Variants in TF observed in about 807,000 individuals in gnomAD.
The protein encoded by TF is transferrin, also known as serotransferrin.
TF carries 55 observed loss-of-function variants against 82.4 expected under a neutral mutation model. That is an observed-to-expected ratio of 0.67 (90% CI 0.54 to 0.84). TF has a LOEUF of 0.84. TF is among the 40% of genes least tolerant of loss of function. TF has a pLI of 0.00. For missense variants in TF, 737 were observed against 868.4 expected (o/e 0.85, Z 1.90); for synonymous variants, 332 against 332.6 (o/e 1.00, Z 0.02).
chr3:133,767,644 G>T (rs1401639685), intron 12 of TF, among the ~76,000 whole-genome samples: 1 of 152,224 alleles, frequency 6.6e-6, no homozygotes, highest in Non-Finnish European at 1.5e-5. Flanking sequence ...TGTAGCAAAG[G>T]CTCTTCTAAT....
chr3:133,733,562 A>T, the TF span, among the ~76,000 whole-genome samples: 1 of 152,152 alleles, frequency 6.6e-6, no homozygotes, highest in African/African-American at 2.4e-5. Context: ...ACTGGGTGAG[A>T]TTGAAAATAT....
At chr3:133,679,674 T>C in the TF span, among the ~76,000 whole-genome samples, 1 of 150,452 alleles carries the variant, frequency 6.6e-6, no homozygotes, top group Non-Finnish European at 1.5e-5. Flanking sequence ...GGTAGTACTC[T>C]ATTGAATGGC....
intron 8 of TF, 128 bp from the exon 9 acceptor site, chr3:133,759,047 C>T: frequency 8.2e-7 from 1 of 1,217,400 alleles, no homozygotes; most frequent in Non-Finnish European, 1.2e-6. Flanking sequence ...TGATTAATTC[C>T]TTGAATGGGG....
upstream of TF, among the ~76,000 whole-genome samples, chr3:133,741,455 G>C (rs1933387942): frequency 6.6e-6 from 1 of 152,064 alleles, no homozygotes. Context: ...CCGTAAAAAG[G>C]ATGACCAGAA....
At chr3:133,672,832 G>GAGAA in the TF span, among the ~76,000 whole-genome samples, 32 of 151,784 alleles carry the variant, frequency 2.1e-4, 1 homozygote, top group African/African-American at 5.8e-4. Context: ...AAAGAAAAAA[G>GAGAA]AGAATAAGAG....
chr3:133,713,995 G>C, the TF span, among the ~76,000 whole-genome samples: 1 of 152,218 alleles, frequency 6.6e-6, no homozygotes, highest in Non-Finnish European at 1.5e-5. Context: ...GAGGAACCAA[G>C]GGAGGTGATG....
chr3:133,734,537 GA>G, the TF span, among the ~76,000 whole-genome samples: 1 of 58,862 alleles, frequency 1.7e-5, no homozygotes, highest in South Asian at 8.1e-4. Context: ...AACAAAACAG[GA>G]ACTCACGAGT....
At chr3:133,699,062 T>A in the TF span, among the ~76,000 whole-genome samples, 28 of 152,366 alleles carry the variant, frequency 1.8e-4, no homozygotes, top group African/African-American at 6.3e-4. Flanking sequence ...ATCTGTAGAA[T>A]GAGATAATCA....
chr3:133,702,798 G>A, the TF span, among the ~76,000 whole-genome samples: 3 of 152,044 alleles, frequency 2.0e-5, no homozygotes, highest in African/African-American at 7.2e-5. Flanking sequence ...ATTTTGTTTT[G>A]TTTAACTTGA....
chr3:133,765,035 T>C, intron 11 of TF, 128 bp downstream of exon 11: 1 of 916,840 alleles, frequency 1.1e-6, no homozygotes, highest in South Asian at 1.4e-5. Context: ...GAGAGAATCA[T>C]GGAAGGATAG....
the TF span, chr3:133,699,851 G>T: frequency 4.8e-6 from 1 of 209,684 alleles, no homozygotes. Flanking sequence ...GTGGACTGAA[G>T]ACTCTCTGCA....
chr3:133,702,499 C>T, the TF span, among the ~76,000 whole-genome samples: 1 of 151,842 alleles, frequency 6.6e-6, no homozygotes, highest in Admixed American at 6.6e-5. Context: ...GAGCCATGGT[C>T]ACACCATTGC....
At chr3:133,736,631 C>CAAAAAAAAAAAAAAAAAAAAAAAAA in the TF span, among the ~76,000 whole-genome samples, 3 of 32,562 alleles carry the variant, frequency 9.2e-5, no homozygotes, top group African/African-American at 1.3e-4. Context: ...AATGGAAAGC[C>CAAAAAAAAAAAAAAAAAAAAAAAAA]AAAAAAAAAA....
chr3:133,748,185 T>TC (rs1933557859), intron 1 of TF: 1 of 597,010 alleles, frequency 1.7e-6, no homozygotes, highest in African/African-American at 1.8e-5. Flanking sequence ...CCTGCACCCC[T>TC]CTGGCCAGCA....
the TF span, among the ~76,000 whole-genome samples, chr3:133,737,135 C>G: frequency 3.3e-5 from 5 of 152,286 alleles, no homozygotes; most frequent in African/African-American, 1.2e-4. Context: ...ACAGTGCAAT[C>G]AAATTGGAAC....
At chr3:133,720,073 C>T in the TF span, among the ~76,000 whole-genome samples, 51,794 of 151,802 alleles carry the variant, frequency 0.34, 9,133 homozygotes, top group South Asian at 0.42. Context: ...CTTTCCAAAT[C>T]GGATGCCTTT....
rs987169914 is a variant in TF at position 133,787,735 on chromosome 3, T to C, written c.*9115T>C. 3 of 152,240 alleles carry C rather than the reference T, an allele frequency of 2.0e-5. No individual in the cohort carries two copies. Among genetic ancestry groups the C allele is most frequent in the African/African-American group, 7.2e-5 (3 of 41,464 alleles). The allele number at this position is 152,240 out of a possible 1,614,324, so 9.4% of individuals were successfully genotyped here. ...ATTTCAGTTTATCCATTGCCTTATA[T>C]GTTAAATGCATTGCAAGTAACTTTG... On this transcript the variant is annotated 3_prime_UTR_variant, in exon 17 of 17. Transcript: ENST00000402696.
chr3:133,732,690 A>G, the TF span, among the ~76,000 whole-genome samples: 52 of 151,882 alleles, frequency 3.4e-4, no homozygotes, highest in East Asian at 9.9e-3. Context: ...GAAGGAAAAA[A>G]CTCCAGACAC....
the TF span, among the ~76,000 whole-genome samples, chr3:133,716,362 C>T: frequency 6.6e-6 from 1 of 152,224 alleles, no homozygotes; most frequent in Admixed American, 6.5e-5. Context: ...TACACTCCCA[C>T]CCAAGTGCTG....
Sources: allele counts gnomAD v4.1 joint callset (sites outside exome capture counted in the v4.1 genomes callset), GRCh38; gene constraint gnomAD v4.1.1; transcripts MANE v1.5; gene names NCBI Gene and HGNC (gene_info 2026-07-23, HGNC 2026-07-21).